Variants in PTPRE observed in about 807,000 individuals in gnomAD.
PTPRE encodes the protein protein tyrosine phosphatase receptor type E, also known as receptor-type tyrosine-protein phosphatase epsilon.
A neutral mutation model predicts 102.0 loss-of-function variants in PTPRE; 51 were observed. The observed-to-expected ratio is 0.50, with a 90% CI of 0.40 to 0.63. The LOEUF is 0.63. Ranked by LOEUF, PTPRE falls within the 30% of genes least tolerant of loss-of-function variation. The pLI is 0.00. For missense variants in PTPRE, 752 were observed against 915.1 expected, an observed-to-expected ratio of 0.82 and a Z score of 2.30; for synonymous variants, 345 against 348.2, an observed-to-expected ratio of 0.99 and a Z score of 0.10.
Position 127,994,743 on chromosome 10 carries a change from C to G in PTPRE, c.-8+12447C>G, listed in dbSNP as rs1694970304. Among the ~76,000 whole-genome samples the G allele has an allele frequency of 3.9e-5, 6 of 152,130 alleles. No homozygotes were observed. In the South Asian group the frequency reaches 1.2e-3, roughly 32 times the overall value. Reference sequence around the variant, plus strand: ...TTGTTTTATTTTGTGGCCATGCAGCCCGATGTCGCAGGGGCTGTTGGTCCT... The same window carrying G: ...TTGTTTTATTTTGTGGCCATGCAGCGCGATGTCGCAGGGGCTGTTGGTCCT... On this transcript the variant is annotated intron_variant, in intron 2 of 20. Transcript: ENST00000254667.
rs534554909 is a variant in PTPRE, at chr10:127,907,498, AC to A, written c.-31+194del. ...AGTACCAGCGGCTGGGGCCCGTACG[AC>A]CCCCGACCCCGGCCTGTGGCGCGTC... On this transcript the variant is annotated intron_variant, in intron 1 of 20. Transcript: ENST00000254667. The surrounding 1 kb of genome is among the most constrained non-coding windows in gnomAD (Gnocchi z 4.8). Among the ~76,000 whole-genome samples, 235 of 148,838 alleles carry A rather than the reference AC, an allele frequency of 1.6e-3. No homozygotes were observed. Among genetic ancestry groups the A allele is most frequent in the African/African-American group, 5.6e-3 (223 of 40,096 alleles).
At chr10:127,942,090 T>C (rs1439222322) in intron 1 of PTPRE, among the ~76,000 whole-genome samples, 1 of 151,946 alleles carries the variant, frequency 6.6e-6, no homozygotes, top group African/African-American at 2.4e-5. Context: ...AAGCCTCCTA[T>C]AGTCCAGTCA....
At chr10:128,033,183 G>A (rs1354152499) in intron 2 of PTPRE, among the ~76,000 whole-genome samples, 1 of 152,152 alleles carries the variant, frequency 6.6e-6, no homozygotes, top group East Asian at 1.9e-4. Flanking sequence ...TTTGCAAACT[G>A]CTAACAAAGC....
chr10:127,979,035 CAAAT>C (rs1480000065), intron 1 of PTPRE, among the ~76,000 whole-genome samples: 1 of 152,050 alleles, frequency 6.6e-6, no homozygotes, highest in African/African-American at 2.4e-5. Flanking sequence ...AATAAATAAA[CAAAT>C]AAAAATTTAA....
intron 1 of PTPRE, among the ~76,000 whole-genome samples, chr10:127,917,494 C>T (rs1005571676): frequency 4.6e-5 from 7 of 151,954 alleles, no homozygotes; most frequent in South Asian, 2.1e-4. Flanking sequence ...CCAGTCTGGG[C>T]GACATAGTGA....
At chr10:128,033,216 C>T (rs911691747) in intron 2 of PTPRE, among the ~76,000 whole-genome samples, 5 of 152,290 alleles carry the variant, frequency 3.3e-5, no homozygotes, top group Middle Eastern at 6.8e-3. Flanking sequence ...TTAGCTCAAA[C>T]GACTATTCTC....
chr10:128,075,969 C>T (rs1413979835), intron 17 of PTPRE, among the ~76,000 whole-genome samples: 2 of 152,134 alleles, frequency 1.3e-5, no homozygotes, highest in African/African-American at 2.4e-5. Flanking sequence ...GTATTGCAAA[C>T]ATCTTATTGC....
At chr10:127,981,820 CAA>C (rs71949953) in intron 1 of PTPRE, among the ~76,000 whole-genome samples, 76 of 136,736 alleles carry the variant, frequency 5.6e-4, no homozygotes, top group African/African-American at 1.1e-3. Context: ...CACTCCGTCT[CAA>C]AAAAAAAAAA....
At chr10:127,989,702 G>A (rs1489730269) in intron 2 of PTPRE, among the ~76,000 whole-genome samples, 1 of 152,250 alleles carries the variant, frequency 6.6e-6, no homozygotes, top group Non-Finnish European at 1.5e-5. Context: ...TGACAGTTAT[G>A]CAAGTGACAG....
At position 128,015,797 on chromosome 10, in the gene PTPRE, C is replaced by A. The variant is rs534174111; in HGVS notation, c.-7-25078C>A. Among the ~76,000 whole-genome samples the A allele has an allele frequency of 2.5e-4, 38 of 152,258 alleles. No homozygotes were observed. In the South Asian group the frequency reaches 6.6e-3, roughly 27 times the overall value. On this transcript the variant is annotated intron_variant, in intron 2 of 20. Coordinates refer to ENST00000254667, the MANE Select transcript of PTPRE (RefSeq NM_006504.6). ...CTGCACTGCAACCTGGGGGACAGAG[C>A]AAGACCCTGTCTCTAAAACTAATAA...
Position 128,077,692 on chromosome 10 carries a change from C to G in PTPRE, c.1801C>G (p.Pro601Ala). 1 of 1,613,918 alleles carries G rather than the reference C, an allele frequency of 6.2e-7. No homozygotes were observed. The highest frequency in any genetic ancestry group is 8.5e-7 in the Non-Finnish European group (1 of 1,179,830). Residue 601 changes from proline to alanine, a missense_variant, in exon 19 of 21, where the codon CCC (proline) becomes GCC (alanine). Coordinates refer to ENST00000254667, the MANE Select transcript of PTPRE (RefSeq NM_006504.6). ...HFHGWPEIGI[P>A]AEGKGMIDLI... Reference sequence around the variant, plus strand: ...CCACGGCTGGCCTGAGATCGGGATTCCCGCCGAGGGCAAAGGCATGATTGA... The same window carrying G: ...CCACGGCTGGCCTGAGATCGGGATTGCCGCCGAGGGCAAAGGCATGATTGA...
chr10:128,014,934 G>C (rs999578754), intron 2 of PTPRE, among the ~76,000 whole-genome samples: 3 of 152,166 alleles, frequency 2.0e-5, no homozygotes, highest in Non-Finnish European at 4.4e-5. Flanking sequence ...CACTCTGCAA[G>C]CTCAGGGACC....
intron 2 of PTPRE, among the ~76,000 whole-genome samples, chr10:128,027,555 C>T (rs1021456384): frequency 5.3e-5 from 8 of 152,216 alleles, no homozygotes; most frequent in South Asian, 4.1e-4. Flanking sequence ...GGTCAGCCTC[C>T]GCCTCCTGGC....
At chr10:128,065,345 T>A (rs753261000) in intron 10 of PTPRE, among the ~76,000 whole-genome samples, 1 of 152,204 alleles carries the variant, frequency 6.6e-6, no homozygotes, top group Non-Finnish European at 1.5e-5. Context: ...AAGTAGATCT[T>A]TTCCCCCTTG....
chr10:128,000,057 C>CCT, intron 2 of PTPRE: 1 of 786,420 alleles, frequency 1.3e-6, no homozygotes, highest in Non-Finnish European at 1.5e-6. Flanking sequence ...AATGCATTTT[C>CCT]CATGAGTCTT....
Position 128,049,613 on chromosome 10 carries a change from G to GAGATCCGTATC in PTPRE, c.375_385dup (p.Ala129ValfsTer52). 6.2e-7 allele frequency: 1 copy of GAGATCCGTATC among 1,614,014 alleles called. No homozygotes were observed. Among genetic ancestry groups the GAGATCCGTATC allele is most frequent in the Non-Finnish European group, 8.5e-7 (1 of 1,180,032 alleles). On this transcript the variant is annotated frameshift_variant, in exon 6 of 21. Transcript: ENST00000254667. LOFTEE classifies it high-confidence loss of function. The stretch of plus-strand genomic sequence containing the variant: ...CATCCCCGTGGAGCACCTGGAGGAG[G>GAGATCCGTATC]AGATCCGTATCAGATCCGCCGACGA...
In PTPRE at chr10:128,082,196, T is replaced by TCTCTC. The variant is rs370540400; in HGVS notation, c.2029-636_2029-635insCTCTC. On this transcript the variant is annotated intron_variant, in intron 20 of 20. Coordinates refer to ENST00000254667, the MANE Select transcript of PTPRE (RefSeq NM_006504.6). ...TAGTACTCTGATTTTTTTCTCTTTC[T>TCTCTC]TTTTTTTTTTTTTTTTTTTTTTTTT... Among the ~76,000 whole-genome samples, 346 of 68,452 alleles carry TCTCTC rather than the reference T, an allele frequency of 5.1e-3. 12 individuals are homozygous for TCTCTC. Among genetic ancestry groups the TCTCTC allele is most frequent in the African/African-American group, 5.3e-3 (64 of 12,134 alleles). The allele number at this position is 68,452 out of a possible 152,430, so 44.9% of individuals were successfully genotyped here. A position where few individuals can be genotyped will look rare whatever the true frequency, so the allele number is the denominator to read the frequency against.
At chr10:128,022,190 A>C (rs758657381) in intron 2 of PTPRE, among the ~76,000 whole-genome samples, 6 of 152,162 alleles carry the variant, frequency 3.9e-5, no homozygotes, top group Non-Finnish European at 7.4e-5. Context: ...GCCCTGGAGA[A>C]TCTCACAGCA....
Position 128,008,223 on chromosome 10 carries a change from GCCTCCCTCCCTCCCTTTCAC to G in PTPRE, c.-8+25940_-8+25959del. Among the ~76,000 whole-genome samples the G allele has an allele frequency of 6.6e-6, 1 of 151,212 alleles. No homozygotes were observed. Among genetic ancestry groups the G allele is most frequent in the South Asian group, 2.1e-4 (1 of 4,758 alleles). On this transcript the variant is annotated intron_variant, in intron 2 of 20. Coordinates refer to ENST00000254667, the MANE Select transcript of PTPRE (RefSeq NM_006504.6). This position sits in a 1 kb window ranked among gnomAD's most constrained non-coding sequence, Gnocchi z 4.0. ...CAGCCCCGCTGGCTCGTCCGCCCTCGCCTCCCTCCCTCCCTTTCACCCTCCCTCCCTCTCTCCCTCATTCC... is the reference window on the plus strand; with the variant it reads ...CAGCCCCGCTGGCTCGTCCGCCCTCGCCTCCCTCCCTCTCTCCCTCATTCC...
Sources: gnomAD v4.1 joint callset for allele counts (sites outside exome capture counted in the v4.1 genomes callset) on GRCh38, gnomAD v4.1.1 for gene constraint, Gnocchi (gnomAD v3.1) non-coding constraint, MANE v1.5 for transcripts, NCBI Gene and HGNC (gene_info 2026-07-23, HGNC 2026-07-21) for gene names.